REEP5: variants seen among roughly 807,000 people sequenced by gnomAD.
REEP5 encodes receptor expression-enhancing protein 5.
A neutral mutation model predicts 22.4 loss-of-function variants in REEP5; 24 were observed. That is an observed-to-expected ratio of 1.07 (90% CI 0.78 to 1.51). The LOEUF is 1.51. REEP5 is among the 40% of genes most tolerant of loss of function. REEP5 has a pLI of 0.00. For missense variants in REEP5, 252 were observed against 233.0 expected, an observed-to-expected ratio of 1.08 and a Z score of -0.53; for synonymous variants, 103 against 88.6, an observed-to-expected ratio of 1.16 and a Z score of -0.92.
At chr5:112,890,217 G>A (rs1768393619) in intron 3 of REEP5, among the ~76,000 whole-genome samples, 1 of 150,388 alleles carries the variant, frequency 6.6e-6, no homozygotes, top group South Asian at 2.1e-4. Context: ...TTGACCTTGG[G>A]AGGTCGAGAC....
intron 2 of REEP5, among the ~76,000 whole-genome samples, chr5:112,905,248 C>T (rs935119110): frequency 4.6e-5 from 7 of 152,080 alleles, no homozygotes; most frequent in Non-Finnish European, 1.0e-4. Flanking sequence ...AAGCTTAAAA[C>T]TGAGGTTTCT....
chr5:112,921,522 G>A, intron 1 of REEP5: 1 of 524,980 alleles, frequency 1.9e-6, no homozygotes, highest in Non-Finnish European at 3.4e-6. Context: ...AACCCCCGGC[G>A]CCCGGGACGG....
intron 3 of REEP5, among the ~76,000 whole-genome samples, chr5:112,890,068 C>G (rs1299514404): frequency 6.7e-6 from 1 of 150,278 alleles, no homozygotes; most frequent in Non-Finnish European, 1.5e-5. Context: ...CTCAAATGAT[C>G]CACCCCCATC....
At position 112,877,640 on chromosome 5, in the gene REEP5, A is replaced by C. The variant is rs781397086; in HGVS notation, c.*1146T>G. ...AAGGCCAGAGAAAAACTGAAGATAG[A>C]TTGACTTAACTATTGCCAAGCAGAT... On this transcript the variant is annotated 3_prime_UTR_variant, in exon 5 of 5. Transcript: ENST00000379638. The C allele has an allele frequency of 2.6e-5, 4 of 152,124 alleles. No individual in the cohort carries two copies. Among genetic ancestry groups the C allele is most frequent in the Non-Finnish European group, 5.9e-5 (4 of 68,024 alleles). 9.4% of individuals were successfully genotyped at this position (152,124 alleles called of 1,614,324 possible).
intron 2 of REEP5, among the ~76,000 whole-genome samples, chr5:112,908,555 A>G (rs1769017855): frequency 6.7e-6 from 1 of 148,982 alleles, no homozygotes; most frequent in Middle Eastern, 3.6e-3. Context: ...AGACAGAGTC[A>G]CATTCTGTTG....
At chr5:112,891,745 C>T (rs768826840) in intron 3 of REEP5, 19 of 1,613,938 alleles carry the variant, frequency 1.2e-5, no homozygotes, top group African/African-American at 5.3e-5. Flanking sequence ...ACGAAAGAAA[C>T]GTCGGCAGGA....
chr5:112,884,306 G>T (rs975040088), intron 4 of REEP5, among the ~76,000 whole-genome samples: 1 of 151,352 alleles, frequency 6.6e-6, no homozygotes, highest in South Asian at 2.1e-4. Flanking sequence ...CACTTCTTTT[G>T]TTGCTCCCAC....
intron 1 of REEP5, 86 bp from the exon 2 acceptor site, chr5:112,921,342 C>G (rs1303201922): frequency 3.1e-6 from 4 of 1,287,002 alleles, no homozygotes; most frequent in Admixed American, 1.9e-5. Context: ...GAGGCTGGGC[C>G]TGTTGTAGGA....
At chr5:112,908,176 C>G (rs1268629189) in intron 2 of REEP5, among the ~76,000 whole-genome samples, 2 of 149,002 alleles carry the variant, frequency 1.3e-5, no homozygotes, top group African/African-American at 5.0e-5. Flanking sequence ...TCTCGGCTCA[C>G]TGCAACCTCT....
chr5:112,904,026 C>A (rs928613556), intron 2 of REEP5, among the ~76,000 whole-genome samples: 2 of 152,144 alleles, frequency 1.3e-5, no homozygotes, highest in African/African-American at 4.8e-5. Flanking sequence ...GAGACAAGGT[C>A]TCACTGTGTT....
intron 2 of REEP5, among the ~76,000 whole-genome samples, chr5:112,917,405 A>G (rs1162595802): frequency 6.6e-6 from 1 of 152,246 alleles, no homozygotes; most frequent in African/African-American, 2.4e-5. Context: ...TTTAAGGCCC[A>G]ACTCTGATAG....
chr5:112,920,676 CAT>C (rs1242747702), intron 2 of REEP5, among the ~76,000 whole-genome samples: 6 of 152,060 alleles, frequency 3.9e-5, no homozygotes, highest in Middle Eastern at 3.2e-3. Flanking sequence ...TTGTCTGTAA[CAT>C]GTGGCTTTTT....
At chr5:112,893,670 G>A (rs113658445) in intron 3 of REEP5, 1,533 of 152,466 alleles carry the variant, frequency 0.01, 12 homozygotes, top group Non-Finnish European at 0.017. Flanking sequence ...TAGTAGTCTC[G>A]CTACACATGG....
Position 112,887,190 on chromosome 5 carries a change from AG to A in REEP5, c.352-8del, listed in dbSNP as rs1263365202. 1 of 1,574,226 alleles carries A rather than the reference AG, an allele frequency of 6.4e-7. No homozygotes were observed. Among genetic ancestry groups the A allele is most frequent in the Admixed American group, 1.7e-5 (1 of 58,596 alleles). ...ACCACAACAGGAAGCCACACTGCAC[AG>A]AAAAAGAGCCAGCATGGGTAACAGG... is the stretch of plus-strand genomic sequence containing the variant. On this transcript the variant is annotated splice_region_variant and splice_polypyrimidine_tract_variant and intron_variant, in intron 3 of 4. Transcript: ENST00000379638.
intron 3 of REEP5, chr5:112,897,610 A>G (rs1214708937): frequency 6.6e-6 from 1 of 152,214 alleles, no homozygotes; most frequent in Non-Finnish European, 1.5e-5. Context: ...AATATGCATG[A>G]TCCAATTTCT....
chr5:112,914,021 A>T (rs2150047773), intron 2 of REEP5, among the ~76,000 whole-genome samples: 1 of 151,926 alleles, frequency 6.6e-6, no homozygotes, highest in Middle Eastern at 3.4e-3. Flanking sequence ...ACACACCTGT[A>T]GTCCCAGCTA....
intron 4 of REEP5, among the ~76,000 whole-genome samples, chr5:112,879,109 G>A (rs1767986407): frequency 6.6e-6 from 1 of 152,076 alleles, no homozygotes; most frequent in Admixed American, 6.6e-5. Context: ...GAAACTGTCT[G>A]CCCTCTATTC....
intron 3 of REEP5, among the ~76,000 whole-genome samples, chr5:112,887,892 A>G (rs1768309065): frequency 6.6e-6 from 1 of 152,202 alleles, no homozygotes; most frequent in Non-Finnish European, 1.5e-5. Flanking sequence ...ATAAATACCA[A>G]CTCGTCACTT....
At chr5:112,895,534 C>G (rs1768656142) in intron 3 of REEP5, 1 of 152,126 alleles carries the variant, frequency 6.6e-6, no homozygotes, top group Non-Finnish European at 1.5e-5. Context: ...AATGTGATTA[C>G]TTTGTAGGCT....
Sources: gnomAD v4.1 joint callset for allele counts (sites outside exome capture counted in the v4.1 genomes callset) on GRCh38, gnomAD v4.1.1 for gene constraint, MANE v1.5 for transcripts, NCBI Gene and HGNC (gene_info 2026-07-23, HGNC 2026-07-21) for gene names.